The following KANK1 variants were observed in gnomAD, a reference collection of about 807,000 sequenced individuals.
KANK1 encodes KN motif and ankyrin repeat domains 1, also known as KN motif and ankyrin repeat domain-containing protein 1.
A neutral mutation model predicts 106.2 loss-of-function variants in KANK1; 109 were observed. The ratio of observed to expected loss-of-function variants is 1.03; its 90% CI spans 0.88 to 1.20. The LOEUF (loss-of-function observed/expected upper bound fraction) is 1.20, where lower values mean the gene tolerates loss of function less well. Ranked by LOEUF, KANK1 falls within the 50% of genes most tolerant of loss-of-function variation. The probability of loss-of-function intolerance (pLI) is 0.00; values close to 1 mark genes in which losing one functional copy is unlikely to be tolerated. For synonymous variants in KANK1, 873 were observed against 652.2 expected (o/e 1.34, Z -5.16); for missense variants, 2,399 against 1,710.7 (o/e 1.40, Z -7.10).
chr9:598,490 G>C (rs1826790210), intron 1 of KANK1, among the ~76,000 whole-genome samples: 1 of 151,266 alleles, frequency 6.6e-6, no homozygotes, highest in Non-Finnish European at 1.5e-5. Flanking sequence ...TCCAATCCAT[G>C]AATATAGGAT....
intron 1 of KANK1, among the ~76,000 whole-genome samples, chr9:506,391 A>C (rs1587323446): frequency 6.6e-6 from 1 of 152,292 alleles, no homozygotes; most frequent in South Asian, 2.1e-4. Flanking sequence ...TAGAGGAATA[A>C]TTGCCTCCTG....
chr9:614,795 A>G (rs1002054477), intron 1 of KANK1, among the ~76,000 whole-genome samples: 2 of 152,196 alleles, frequency 1.3e-5, no homozygotes, highest in East Asian at 1.9e-4. Flanking sequence ...AAAGAAATGT[A>G]TATAAATGTA....
intron 6 of KANK1, chr9:733,149 A>G (rs1234638521): frequency 1.3e-5 from 2 of 152,376 alleles, no homozygotes; most frequent in African/African-American, 4.8e-5. Context: ...TATATCATAA[A>G]TAGTAGCTGA....
At chr9:495,151 A>G (rs1277397076) in intron 3 of KANK1, 1 of 152,232 alleles carries the variant, frequency 6.6e-6, no homozygotes, top group African/African-American at 2.4e-5. Context: ...CCTTGGCTCC[A>G]AGTATCAAAG....
chr9:664,170 T>G (rs1289070500), intron 1 of KANK1, among the ~76,000 whole-genome samples: 1 of 152,152 alleles, frequency 6.6e-6, no homozygotes, highest in East Asian at 1.9e-4. Context: ...ACACCAAGTC[T>G]TATTTCTTCT....
chr9:574,343 C>T (rs900949829), intron 1 of KANK1, among the ~76,000 whole-genome samples: 1 of 152,132 alleles, frequency 6.6e-6, no homozygotes, highest in African/African-American at 2.4e-5. Context: ...TATTTTAATG[C>T]TTGACCTAGT....
At chr9:571,235 G>C (rs2804267) in intron 1 of KANK1, among the ~76,000 whole-genome samples, 144,249 of 152,298 alleles carry the variant, frequency 0.95, 68,358 homozygotes, top group East Asian at 1. Flanking sequence ...GGCATTGTTA[G>C]CAAGGCAAAC....
In KANK1 at chr9:641,980, A is replaced by C. The variant is rs1199659079; in HGVS notation, c.-83-34910A>C. Among the ~76,000 whole-genome samples, 3 of 152,112 alleles carry C rather than the reference A, an allele frequency of 2.0e-5. No individual in the cohort carries two copies. The East Asian group carries it at 5.8e-4, about 29-fold the overall frequency. On this transcript the variant is annotated intron_variant, in intron 1 of 11. Coordinates refer to ENST00000382297, the MANE Select transcript of KANK1 (RefSeq NM_015158.5). ...CATACCCATTGGCAATCAAAAGCCG[A>C]TTTCCTCCCCAACCACCACACACCC...
intron 1 of KANK1, among the ~76,000 whole-genome samples, chr9:539,872 A>G (rs2060497689): frequency 6.6e-6 from 1 of 152,186 alleles, no homozygotes; most frequent in South Asian, 2.1e-4. Context: ...TAGAAGTGCT[A>G]CTGATTTTTA....
Position 710,923 on chromosome 9 carries a change from C to A in KANK1, c.157C>A (p.Gln53Lys), listed in dbSNP as rs761003234. The A allele has an allele frequency of 2.0e-5, 33 of 1,614,020 alleles. No individual in the cohort carries two copies. Among genetic ancestry groups the A allele is most frequent in the Non-Finnish European group, 2.6e-5 (31 of 1,180,024 alleles). Residue 53 changes from glutamine to lysine, a missense_variant, in exon 3 of 12, where the codon CAG becomes AAG. Gln to Lys is a moderately conservative substitution (Grantham distance 53). Coordinates refer to ENST00000382297, the MANE Select transcript of KANK1 (RefSeq NM_015158.5). ...LDFLKYVDDIQKGNTIKRLNI... is the reference protein window; with the variant it reads ...LDFLKYVDDIKKGNTIKRLNI... ...TTTCCTCAAATATGTGGATGACATA[C>A]AGAAGGGAAATACCATCAAAAGACT...
rs536010554 is a variant in KANK1, at chr9:519,372, T to G, written c.-84+14618T>G. ...AAAGGTGGTGTTGAATATTTTTCCT[T>G]CAGAAATTAAGTTTTTAATTCTTGT... On this transcript the variant is annotated intron_variant, in intron 1 of 11. Transcript: ENST00000382297. 9.2e-5 allele frequency among the ~76,000 whole-genome samples: 14 copies of G among 151,940 alleles called. No individual in the cohort carries two copies. The South Asian group carries it at 1.5e-3, about 16-fold the overall frequency.
Position 670,636 on chromosome 9 carries a change from C to G in KANK1, c.-83-6254C>G, listed in dbSNP as rs191769508. Among the ~76,000 whole-genome samples, 13 of 152,234 alleles carry G rather than the reference C, an allele frequency of 8.5e-5. No individual in the cohort carries two copies. The East Asian group carries it at 2.5e-3, about 29-fold the overall frequency. On this transcript the variant is annotated intron_variant, in intron 1 of 11. Transcript: ENST00000382297. ...CTGCCGAACACCCACTCTGATTTGGCGTCTCCTTTGGTTGAGTTACAGAGC... is the reference window on the plus strand; with the variant it reads ...CTGCCGAACACCCACTCTGATTTGGGGTCTCCTTTGGTTGAGTTACAGAGC...
At chr9:724,267 G>C (rs1217520320) in intron 3 of KANK1, among the ~76,000 whole-genome samples, 13 of 152,142 alleles carry the variant, frequency 8.5e-5, no homozygotes, top group Non-Finnish European at 4.4e-5. Context: ...TGAATCTCTA[G>C]CTGTTGCTTC....
intron 1 of KANK1, among the ~76,000 whole-genome samples, chr9:645,336 A>C (rs116030847): frequency 0.069 from 10,136 of 147,394 alleles, 729 homozygotes; most frequent in African/African-American, 0.13. Context: ...GCTACTGAGA[A>C]GTCTGAGGCA....
At chr9:566,108 C>T (rs1356159613) in intron 1 of KANK1, among the ~76,000 whole-genome samples, 2 of 152,180 alleles carry the variant, frequency 1.3e-5, no homozygotes, top group Admixed American at 6.5e-5. Flanking sequence ...TAAGTGACAA[C>T]GTGTAGTATT....
intron 1 of KANK1, among the ~76,000 whole-genome samples, chr9:561,786 C>T (rs1323787390): frequency 6.6e-6 from 1 of 152,180 alleles, no homozygotes; most frequent in Non-Finnish European, 1.5e-5. Context: ...CTAGAACTTT[C>T]ACATTTCAGT....
At chr9:535,088 ACT>A (rs1465787918) in intron 1 of KANK1, among the ~76,000 whole-genome samples, 1 of 152,128 alleles carries the variant, frequency 6.6e-6, no homozygotes, top group Non-Finnish European at 1.5e-5. Flanking sequence ...TGGCACAGTA[ACT>A]CTGCCCAGTG....
intron 1 of KANK1, among the ~76,000 whole-genome samples, chr9:616,458 C>T (rs991487081): frequency 1.3e-5 from 2 of 152,170 alleles, no homozygotes; most frequent in African/African-American, 4.8e-5. Flanking sequence ...CTTCTCCAAG[C>T]TGTCATTTAA....
rs140390471 is a variant in KANK1, at chr9:703,790, C to T, written c.38-7014C>T. ...GCAGTGGCGTGATCTTGACACACTG[C>T]AACCTCCACCTCTCTGGTTCAAGCA... On this transcript the variant is annotated intron_variant, in intron 2 of 11. Transcript: ENST00000382297. Among the ~76,000 whole-genome samples, 767 of 152,048 alleles carry T rather than the reference C, an allele frequency of 5.0e-3. 10 individuals carry two copies. Among genetic ancestry groups the T allele is most frequent in the African/African-American group, 0.016 (657 of 41,466 alleles).
Sources: gnomAD v4.1 joint callset for allele counts (sites outside exome capture counted in the v4.1 genomes callset) on GRCh38, gnomAD v4.1.1 for gene constraint, MANE v1.5 for transcripts, NCBI Gene and HGNC (gene_info 2026-07-23, HGNC 2026-07-21) for gene names.